SLC24A2: variants seen among roughly 807,000 people sequenced by gnomAD.
The protein encoded by SLC24A2 is solute carrier family 24 member 2.
SLC24A2 carries 36 observed loss-of-function variants against 62.0 expected under a neutral mutation model. The ratio of observed to expected loss-of-function variants is 0.58; its 90% CI spans 0.44 to 0.77. The LOEUF (loss-of-function observed/expected upper bound fraction) is 0.77, where lower values mean the gene tolerates loss of function less well. SLC24A2 is among the 30% of genes least tolerant of loss of function. SLC24A2 has a pLI of 0.00. For synonymous variants in SLC24A2, 358 were observed against 294.0 expected, an observed-to-expected ratio of 1.22 and a Z score of -2.23; for missense variants, 846 against 817.9, an observed-to-expected ratio of 1.03 and a Z score of -0.42.
At chr9:19,966,333 G>T in the SLC24A2 span, among the ~76,000 whole-genome samples, 1 of 152,082 alleles carries the variant, frequency 6.6e-6, no homozygotes, top group Non-Finnish European at 1.5e-5. Context: ...GCCCATAATA[G>T]TATTTGTGTG....
the SLC24A2 span, among the ~76,000 whole-genome samples, chr9:19,827,891 A>C: frequency 6.6e-6 from 1 of 152,062 alleles, no homozygotes; most frequent in African/African-American, 2.4e-5. Context: ...TGTCTAGACT[A>C]TTTCCATCAG....
At chr9:19,990,697 T>C in the SLC24A2 span, among the ~76,000 whole-genome samples, 1 of 148,970 alleles carries the variant, frequency 6.7e-6, no homozygotes, top group Non-Finnish European at 1.5e-5. Flanking sequence ...ACAATTCATA[T>C]ACCTTAAATT....
At chr9:19,969,961 G>C in the SLC24A2 span, among the ~76,000 whole-genome samples, 2 of 152,086 alleles carry the variant, frequency 1.3e-5, no homozygotes, top group East Asian at 3.9e-4. Context: ...GGAAGAGTGG[G>C]AGAGACTACA....
chr9:19,868,872 G>T, the SLC24A2 span, among the ~76,000 whole-genome samples: 3 of 151,816 alleles, frequency 2.0e-5, no homozygotes, highest in Non-Finnish European at 2.9e-5. Flanking sequence ...AATGAAATAT[G>T]TGTCACTTTC....
the SLC24A2 span, among the ~76,000 whole-genome samples, chr9:20,128,100 CA>C: frequency 1.6e-4 from 24 of 152,012 alleles, no homozygotes; most frequent in African/African-American, 5.8e-4. Flanking sequence ...AGATTGATTT[CA>C]GGGGGACCCA....
At chr9:19,784,207 C>A (rs1012421749) in intron 2 of SLC24A2, among the ~76,000 whole-genome samples, 2 of 152,090 alleles carry the variant, frequency 1.3e-5, no homozygotes, top group Admixed American at 6.6e-5. Context: ...AGTCTATAAA[C>A]CTATATTTGG....
At chr9:19,955,739 C>A in the SLC24A2 span, among the ~76,000 whole-genome samples, 43 of 151,992 alleles carry the variant, frequency 2.8e-4, no homozygotes, top group African/African-American at 1.0e-3. Context: ...TCCATCCTCT[C>A]CCAAAAAAAG....
At chr9:19,567,278 G>A (rs1835693001) in intron 7 of SLC24A2, among the ~76,000 whole-genome samples, 1 of 151,760 alleles carries the variant, frequency 6.6e-6, no homozygotes, top group Non-Finnish European at 1.5e-5. Context: ...CGGGCACGGT[G>A]GCTCACACCT....
chr9:19,528,671 C>A (rs943683862), intron 8 of SLC24A2, among the ~76,000 whole-genome samples: 1 of 152,098 alleles, frequency 6.6e-6, no homozygotes, highest in Non-Finnish European at 1.5e-5. Flanking sequence ...CACAAATTAT[C>A]AAGAAAGTCA....
At chr9:20,104,734 A>G in the SLC24A2 span, among the ~76,000 whole-genome samples, 6 of 152,258 alleles carry the variant, frequency 3.9e-5, no homozygotes, top group African/African-American at 1.2e-4. Flanking sequence ...AGTACCAGCC[A>G]CTGCAAAATC....
chr9:19,733,750 G>C (rs974415473), intron 2 of SLC24A2, among the ~76,000 whole-genome samples: 1 of 152,084 alleles, frequency 6.6e-6, no homozygotes, highest in Non-Finnish European at 1.5e-5. Flanking sequence ...AGACTCAATG[G>C]TTGTCTCTGT....
intron 4 of SLC24A2, among the ~76,000 whole-genome samples, chr9:19,598,685 GTA>G (rs968224286): frequency 1.3e-5 from 2 of 151,198 alleles, no homozygotes; most frequent in Non-Finnish European, 1.5e-5. Flanking sequence ...GTATATATAT[GTA>G]TATATATATA....
At chr9:20,266,879 A>C in the SLC24A2 span, among the ~76,000 whole-genome samples, 1 of 152,006 alleles carries the variant, frequency 6.6e-6, no homozygotes, top group Admixed American at 6.6e-5. Flanking sequence ...GAAGTTTGAG[A>C]CCCACCTGGT....
chr9:19,960,204 A>G, the SLC24A2 span, among the ~76,000 whole-genome samples: 95 of 152,278 alleles, frequency 6.2e-4, no homozygotes, highest in African/African-American at 2.2e-3. Context: ...ACACTCACAC[A>G]TAACCACACA....
chr9:19,594,574 G>A (rs994479647), intron 5 of SLC24A2, among the ~76,000 whole-genome samples: 2 of 152,104 alleles, frequency 1.3e-5, no homozygotes, highest in Non-Finnish European at 2.9e-5. Context: ...CCTGGAAACA[G>A]TTATAAATAA....
At chr9:20,000,527 C>T in the SLC24A2 span, among the ~76,000 whole-genome samples, 2 of 151,776 alleles carry the variant, frequency 1.3e-5, no homozygotes, top group African/African-American at 4.8e-5. Flanking sequence ...AAGGGAGAAA[C>T]ATCAGAACAC....
chr9:19,748,643 A>C (rs959376761), intron 2 of SLC24A2, among the ~76,000 whole-genome samples: 1 of 151,844 alleles, frequency 6.6e-6, no homozygotes, highest in African/African-American at 2.4e-5. Flanking sequence ...TAGGCAGCCT[A>C]GGCCCAGATG....
the SLC24A2 span, among the ~76,000 whole-genome samples, chr9:19,947,425 A>AGGAAAGAAAGAAGGAAGGAAG: frequency 6.6e-6 from 1 of 151,724 alleles, no homozygotes; most frequent in Non-Finnish European, 1.5e-5. Context: ...GAAGGAAGGA[A>AGGAAAGAAAGAAGGAAGGAAG]GGAAAGAAAG....
intron 6 of SLC24A2, among the ~76,000 whole-genome samples, chr9:19,574,681 T>C (rs1332006032): frequency 3.9e-5 from 6 of 152,214 alleles, no homozygotes; most frequent in Non-Finnish European, 8.8e-5. Context: ...GGATCTTTAT[T>C]ATAGTGCCTG....
Sources: gnomAD v4.1 joint callset for allele counts (sites outside exome capture counted in the v4.1 genomes callset) on GRCh38, gnomAD v4.1.1 for gene constraint, MANE v1.5 for transcripts, NCBI Gene and HGNC (gene_info 2026-07-23, HGNC 2026-07-21) for gene names.